NCKAP5: variants seen among roughly 807,000 people sequenced by gnomAD.
NCKAP5 encodes NCK associated protein 5, also known as nck-associated protein 5.
NCKAP5 carries 92 observed loss-of-function variants against 167.0 expected under a neutral mutation model. The observed-to-expected ratio is 0.55, with a 90% CI of 0.47 to 0.66. The LOEUF is 0.66. Among genes scored for constraint, NCKAP5 ranks in the 30% least tolerant of loss-of-function variants. The pLI is 0.00. For synonymous variants in NCKAP5, 891 were observed against 877.4 expected (o/e 1.02, Z -0.27); for missense variants, 2,378 against 2,315.0 (o/e 1.03, Z -0.56).
the NCKAP5 span, among the ~76,000 whole-genome samples, chr2:133,612,863 G>C: frequency 6.6e-6 from 1 of 152,266 alleles, no homozygotes; most frequent in Non-Finnish European, 1.5e-5. Flanking sequence ...TCTTAAGCGC[G>C]GTTTGCTGAA....
the NCKAP5 span, among the ~76,000 whole-genome samples, chr2:133,605,332 G>A: frequency 1.3e-5 from 2 of 152,210 alleles, no homozygotes; most frequent in Admixed American, 1.3e-4. Flanking sequence ...CCTTGGGTGA[G>A]GGGAGGTAGG....
chr2:133,366,453 C>G (rs1188504731), intron 3 of NCKAP5, among the ~76,000 whole-genome samples: 1 of 152,014 alleles, frequency 6.6e-6, no homozygotes, highest in Non-Finnish European at 1.5e-5. Flanking sequence ...CAGGCACGTG[C>G]CACCATGCCC....
chr2:132,926,819 G>T (rs543001710), intron 8 of NCKAP5, among the ~76,000 whole-genome samples: 447 of 152,132 alleles, frequency 2.9e-3, no homozygotes, highest in African/African-American at 0.01. Context: ...CTCCCATTCT[G>T]CAGGTTGTCT....
intron 2 of NCKAP5, among the ~76,000 whole-genome samples, chr2:133,533,560 G>A (rs892234071): frequency 6.6e-6 from 1 of 152,134 alleles, no homozygotes; most frequent in Non-Finnish European, 1.5e-5. Context: ...AAAAAACTAG[G>A]TACAGGAAAG....
chr2:133,242,119 C>CAA (rs1176776551), intron 4 of NCKAP5, among the ~76,000 whole-genome samples: 1,732 of 45,856 alleles, frequency 0.038, 68 homozygotes, highest in African/African-American at 0.1. Flanking sequence ...AACTCTGTCT[C>CAA]AAAAAAAAAA....
At chr2:133,318,203 G>GA in intron 3 of NCKAP5, among the ~76,000 whole-genome samples, 1 of 152,222 alleles carries the variant, frequency 6.6e-6, no homozygotes, top group African/African-American at 2.4e-5. Context: ...AAGATTTTAG[G>GA]ATGGTTTAAG....
At chr2:132,696,092 A>C (rs560014577) in intron 19 of NCKAP5, among the ~76,000 whole-genome samples, 1 of 152,360 alleles carries the variant, frequency 6.6e-6, no homozygotes, top group Admixed American at 6.5e-5. Context: ...TGGTGCATAT[A>C]CTTATTTTAA....
chr2:132,971,970 A>T (rs772996702), intron 7 of NCKAP5, among the ~76,000 whole-genome samples: 2 of 152,236 alleles, frequency 1.3e-5, no homozygotes, highest in African/African-American at 4.8e-5. Flanking sequence ...TTGAGCATAG[A>T]ACATAAATCA....
At chr2:133,262,621 T>A (rs2088966424) in intron 4 of NCKAP5, among the ~76,000 whole-genome samples, 1 of 152,182 alleles carries the variant, frequency 6.6e-6, no homozygotes, top group Non-Finnish European at 1.5e-5. Context: ...AAGGGCGTAA[T>A]ATCCAGGAAG....
intron 3 of NCKAP5, among the ~76,000 whole-genome samples, chr2:133,321,322 C>G (rs1682037177): frequency 6.6e-6 from 1 of 152,168 alleles, no homozygotes; most frequent in Non-Finnish European, 1.5e-5. Context: ...TATATTCTTG[C>G]TTTATACCTA....
chr2:132,751,445 GGTATTCCTTT>G (rs1278304922), intron 16 of NCKAP5, among the ~76,000 whole-genome samples: 1 of 152,044 alleles, frequency 6.6e-6, no homozygotes, highest in African/African-American at 2.4e-5. Flanking sequence ...CACAGCCTCA[GGTATTCCTTT>G]ATATCCATCA....
At chr2:132,975,379 CTT>C (rs2149249857) in intron 7 of NCKAP5, among the ~76,000 whole-genome samples, 1 of 152,322 alleles carries the variant, frequency 6.6e-6, no homozygotes, top group African/African-American at 2.4e-5. Context: ...CCACATTACT[CTT>C]CACTCAAAAC....
chr2:133,239,689 T>C (rs929893992), intron 4 of NCKAP5, among the ~76,000 whole-genome samples: 1 of 152,208 alleles, frequency 6.6e-6, no homozygotes, highest in Non-Finnish European at 1.5e-5. Flanking sequence ...ATGTGCTAAA[T>C]TCTAAAGAGT....
At chr2:133,671,324 C>T in the NCKAP5 span, among the ~76,000 whole-genome samples, 265 of 151,504 alleles carry the variant, frequency 1.7e-3, no homozygotes, top group African/African-American at 6.1e-3. Context: ...GGCATTAGTG[C>T]AACAGTGTGA....
intron 19 of NCKAP5, among the ~76,000 whole-genome samples, chr2:132,681,168 T>C (rs1685174084): frequency 6.6e-6 from 1 of 152,102 alleles, no homozygotes; most frequent in African/African-American, 2.4e-5. Context: ...AAACAATTTA[T>C]GCAGGAATGA....
intron 8 of NCKAP5, among the ~76,000 whole-genome samples, chr2:132,892,241 T>G (rs1344779253): frequency 6.6e-6 from 1 of 152,186 alleles, no homozygotes; most frequent in East Asian, 1.9e-4. Flanking sequence ...CTTCTTCTCT[T>G]TCTCACCTTC....
At chr2:133,153,926 C>A (rs1405764061) in intron 5 of NCKAP5, among the ~76,000 whole-genome samples, 1 of 151,114 alleles carries the variant, frequency 6.6e-6, no homozygotes, top group Admixed American at 6.6e-5. Context: ...ACCTCCTCCC[C>A]CCAAGAAGGG....
intron 7 of NCKAP5, among the ~76,000 whole-genome samples, chr2:132,991,444 G>T (rs1209647629): frequency 1.3e-5 from 2 of 152,158 alleles, no homozygotes; most frequent in African/African-American, 4.8e-5. Flanking sequence ...CTCAGTTGCT[G>T]AACAGAAAAC....
chr2:133,052,582 G>A (rs537122421), intron 6 of NCKAP5, among the ~76,000 whole-genome samples: 1 of 152,040 alleles, frequency 6.6e-6, no homozygotes, highest in Non-Finnish European at 1.5e-5. Context: ...GTTGGGTGTG[G>A]TGGTGGGCAC....
Sources: allele counts gnomAD v4.1 joint callset (sites outside exome capture counted in the v4.1 genomes callset), GRCh38; gene constraint gnomAD v4.1.1; transcripts MANE v1.5; gene names NCBI Gene and HGNC (gene_info 2026-07-23, HGNC 2026-07-21).